The following ARHGAP28 variants were observed in gnomAD, a reference collection of about 807,000 sequenced individuals.
The protein encoded by ARHGAP28 is rho GTPase-activating protein 28.
Under a neutral mutation model 90.7 loss-of-function variants are expected in ARHGAP28, and 56 were observed. The observed-to-expected ratio is 0.62, with a 90% confidence interval of 0.50 to 0.77. The LOEUF is 0.77. Among genes scored for constraint, ARHGAP28 ranks in the 30% least tolerant of loss-of-function variants. The probability of loss-of-function intolerance (pLI) is 0.00; values close to 1 mark genes in which losing one functional copy is unlikely to be tolerated. For synonymous variants in ARHGAP28, 308 were observed against 323.3 expected, an observed-to-expected ratio of 0.95 and a Z score of 0.51; for missense variants, 869 against 900.9, an observed-to-expected ratio of 0.96 and a Z score of 0.45.
chr18:6,898,584 T>C (rs1311003652), intron 16 of ARHGAP28: 3 of 1,603,684 alleles, frequency 1.9e-6, no homozygotes, highest in Non-Finnish European at 2.5e-6. Context: ...GGCAGTCATA[T>C]AGAGACTTGA....
intron 14 of ARHGAP28, among the ~76,000 whole-genome samples, chr18:6,892,129 T>A (rs2057270931): frequency 6.6e-6 from 1 of 151,924 alleles, no homozygotes; most frequent in Non-Finnish European, 1.5e-5. Flanking sequence ...TGAGAAAAAA[T>A]CACATAATAT....
At chr18:6,775,916 G>A (rs916468748) in intron 1 of ARHGAP28, among the ~76,000 whole-genome samples, 3 of 152,122 alleles carry the variant, frequency 2.0e-5, no homozygotes, top group African/African-American at 4.8e-5. Context: ...AGTTTAACAA[G>A]GTAGGGCTCA....
intron 1 of ARHGAP28, among the ~76,000 whole-genome samples, chr18:6,737,559 T>C (rs900840891): frequency 1.3e-5 from 2 of 152,220 alleles, no homozygotes; most frequent in Non-Finnish European, 2.9e-5. Context: ...CTAAAGTGTA[T>C]ACTCTTGTTG....
chr18:6,809,993 T>A (rs545858785), intron 1 of ARHGAP28, among the ~76,000 whole-genome samples: 2 of 152,298 alleles, frequency 1.3e-5, no homozygotes, highest in South Asian at 2.1e-4. Flanking sequence ...AGTCTTCTCT[T>A]TGCATGTGTT....
chr18:6,792,321 C>A lies in ARHGAP28; in HGVS notation c.123-32441C>A, dbSNP rs545351773. 3.3e-5 allele frequency among the ~76,000 whole-genome samples: 5 copies of A among 152,182 alleles called. No homozygotes were observed. The South Asian group carries it at 1.0e-3, about 32-fold the overall frequency. ...CAGTTTATTGTTCATCAGTTATGCT[C>A]AATGAATTTTTTCAATAAATGTTTA... On this transcript the variant is annotated intron_variant, in intron 1 of 17. Transcript: ENST00000383472.
intron 1 of ARHGAP28, among the ~76,000 whole-genome samples, chr18:6,736,604 G>A (rs887772979): frequency 6.6e-6 from 1 of 151,430 alleles, no homozygotes; most frequent in Non-Finnish European, 1.5e-5. Flanking sequence ...AAAATTAGTC[G>A]AGCGTGATGG....
chr18:6,730,097 A>G lies in ARHGAP28; in HGVS notation c.122+154A>G, dbSNP rs1003680214. 52 of 795,212 alleles carry G rather than the reference A, an allele frequency of 6.5e-5. 1 individual carries two copies. The highest frequency in any genetic ancestry group is 8.5e-5 in the Non-Finnish European group (49 of 577,662). 49.3% of individuals were successfully genotyped at this position (795,212 alleles called of 1,614,324 possible). ...GATGAGTGAGCCTGGGGTTCTTTGC[A>G]TTGTCTTTGACTGGAGGTGGGAAAC... On this transcript the variant is annotated intron_variant, in intron 1 of 17. Transcript: ENST00000383472.
intron 11 of ARHGAP28, among the ~76,000 whole-genome samples, chr18:6,886,439 T>A (rs1299630999): frequency 1.3e-5 from 2 of 152,174 alleles, no homozygotes; most frequent in East Asian, 3.8e-4. Context: ...CCATCTTGTG[T>A]CATTACTGAG....
intron 16 of ARHGAP28, among the ~76,000 whole-genome samples, chr18:6,904,797 C>T (rs1054930152): frequency 3.3e-5 from 5 of 152,110 alleles, no homozygotes; most frequent in African/African-American, 1.2e-4. Context: ...ACTGTAACAA[C>T]TTTATAGCTA....
intron 1 of ARHGAP28, among the ~76,000 whole-genome samples, chr18:6,800,533 A>T (rs995063393): frequency 1.3e-5 from 2 of 152,236 alleles, no homozygotes; most frequent in African/African-American, 2.4e-5. Flanking sequence ...GCAGCCATAA[A>T]AAAGGATGAG....
At chr18:6,896,874 G>T in intron 16 of ARHGAP28, 1 of 347,738 alleles carries the variant, frequency 2.9e-6, no homozygotes, top group Non-Finnish European at 5.2e-6. Flanking sequence ...TATCTTCGTA[G>T]CTTCATTTAT....
At chr18:6,890,134 G>A (rs756951956) in intron 13 of ARHGAP28, 49 bp downstream of exon 13, 67 of 1,600,462 alleles carry the variant, frequency 4.2e-5, no homozygotes, top group Admixed American at 1.2e-4. Flanking sequence ...CATGTCCCCA[G>A]GAAACATAAA....
intron 2 of ARHGAP28, among the ~76,000 whole-genome samples, chr18:6,826,077 C>T (rs2056659992): frequency 6.6e-6 from 1 of 151,126 alleles, no homozygotes; most frequent in Admixed American, 6.6e-5. Flanking sequence ...CCACCAACAA[C>T]AGTACTTAAG....
In ARHGAP28 at chr18:6,737,647, T is replaced by G. The variant is rs186123179; in HGVS notation, c.122+7704T>G. ...TTGCTTTTTGTCTCTTGCTGTGCTC[T>G]GATTATTGAGTTAGTGAGTTTTTCA... On this transcript the variant is annotated intron_variant, in intron 1 of 17. Coordinates refer to ENST00000383472, the MANE Select transcript of ARHGAP28 (RefSeq NM_001366230.1). 3.3e-5 allele frequency among the ~76,000 whole-genome samples: 5 copies of G among 152,324 alleles called. No homozygotes were observed. The East Asian group carries it at 9.6e-4, about 29-fold the overall frequency.
chr18:6,811,161 T>C (rs1212377484), intron 1 of ARHGAP28, among the ~76,000 whole-genome samples: 1 of 152,226 alleles, frequency 6.6e-6, no homozygotes, highest in Non-Finnish European at 1.5e-5. Context: ...CTACAGTATG[T>C]GGCCATTTGA....
chr18:6,743,330 A>G (rs1340684425), intron 1 of ARHGAP28, among the ~76,000 whole-genome samples: 6 of 152,220 alleles, frequency 3.9e-5, no homozygotes. Context: ...CATTTCTAGA[A>G]CAAGAATATT....
intron 1 of ARHGAP28, among the ~76,000 whole-genome samples, chr18:6,757,111 T>C (rs1031055228): frequency 1.3e-5 from 2 of 152,262 alleles, no homozygotes; most frequent in African/African-American, 2.4e-5. Flanking sequence ...GTAAAGAGCA[T>C]TACTTAAAAA....
intron 16 of ARHGAP28, among the ~76,000 whole-genome samples, chr18:6,898,905 G>A (rs1387690751): frequency 1.3e-5 from 2 of 151,534 alleles, no homozygotes; most frequent in East Asian, 3.9e-4. Flanking sequence ...AAGAGGGTGA[G>A]GGATAAAAGA....
At chr18:6,844,672 C>G (rs1181036992) in intron 3 of ARHGAP28, among the ~76,000 whole-genome samples, 1 of 151,860 alleles carries the variant, frequency 6.6e-6, no homozygotes, top group Non-Finnish European at 1.5e-5. Flanking sequence ...TTGGATGTGA[C>G]TCTGGATAAA....
Sources: allele counts gnomAD v4.1 joint callset (sites outside exome capture counted in the v4.1 genomes callset), GRCh38; gene constraint gnomAD v4.1.1; transcripts MANE v1.5; gene names NCBI Gene and HGNC (gene_info 2026-07-23, HGNC 2026-07-21).